The following SFI1 variants were observed in gnomAD, a reference collection of about 807,000 sequenced individuals.
The protein encoded by SFI1 is SFI1 centrin binding protein, also known as protein SFI1 homolog.
A neutral mutation model predicts 207.5 loss-of-function variants in SFI1; 195 were observed. The observed-to-expected ratio is 0.94, with a 90% CI of 0.84 to 1.06. The LOEUF is 1.06. Ranked by LOEUF, SFI1 falls within the 50% of genes least tolerant of loss-of-function variation. SFI1 has a pLI of 0.00. For missense variants in SFI1, 1,634 were observed against 1,588.0 expected (o/e 1.03, Z -0.49); for synonymous variants, 630 against 598.9 (o/e 1.05, Z -0.76).
At chr22:31,526,407 G>C (rs143474994) in intron 2 of SFI1, among the ~76,000 whole-genome samples, 1 of 152,138 alleles carries the variant, frequency 6.6e-6, no homozygotes, top group African/African-American at 2.4e-5. Flanking sequence ...ATCAGATCTC[G>C]TGGAAACTTA....
intron 2 of SFI1, among the ~76,000 whole-genome samples, chr22:31,517,144 G>GA (rs1038764067): frequency 1.3e-5 from 2 of 150,656 alleles, no homozygotes; most frequent in East Asian, 1.9e-4. Flanking sequence ...AAAAAAAAAA[G>GA]AAAAAAAAAT....
At chr22:31,555,526 C>T (rs1219230913) in intron 6 of SFI1, among the ~76,000 whole-genome samples, 2 of 152,176 alleles carry the variant, frequency 1.3e-5, no homozygotes, top group African/African-American at 4.8e-5. Flanking sequence ...TCTCAGTTGT[C>T]ACGTGCATCA....
intron 2 of SFI1, among the ~76,000 whole-genome samples, chr22:31,526,552 A>G (rs1448977171): frequency 2.0e-5 from 3 of 152,090 alleles, no homozygotes; most frequent in Admixed American, 6.6e-5. Flanking sequence ...CAGCTAAACC[A>G]TATCAATACC....
At position 31,584,998 on chromosome 22, in the gene SFI1, C is replaced by T. The variant is rs190150438; in HGVS notation, c.1347-70C>T. Reference sequence around the variant, plus strand: ...TTTAACTCACAGGAAGTAACTGTACCGCAATTTACCTGCCTTAAAACAAAG... The same window carrying T: ...TTTAACTCACAGGAAGTAACTGTACTGCAATTTACCTGCCTTAAAACAAAG... On this transcript the variant is annotated intron_variant, in intron 13 of 32. Coordinates refer to ENST00000400288, the MANE Select transcript of SFI1 (RefSeq NM_001007467.3). 827 of 1,405,738 alleles carry T rather than the reference C, an allele frequency of 5.9e-4. No homozygotes were observed. In the African/African-American group the frequency reaches 0.011, roughly 18 times the overall value. The allele number at this position is 1,405,738 out of a possible 1,614,324, so 87.1% of individuals were successfully genotyped here.
intron 4 of SFI1, among the ~76,000 whole-genome samples, chr22:31,534,427 TTTTC>T (rs1569239004): frequency 2.0e-5 from 3 of 152,226 alleles, no homozygotes; most frequent in African/African-American, 4.8e-5. Context: ...CTGTTGCCTT[TTTTC>T]TTTCTTCTCA....
In SFI1 at chr22:31,556,931, G is replaced by C. The variant is rs751758927; in HGVS notation, c.545-11G>C. 1 of 1,577,232 alleles carries C rather than the reference G, an allele frequency of 6.3e-7. No homozygotes were observed. Among genetic ancestry groups the C allele is most frequent in the African/African-American group, 1.4e-5 (1 of 73,846 alleles). On this transcript the variant is annotated splice_polypyrimidine_tract_variant and intron_variant, in intron 6 of 32. Transcript: ENST00000400288. ...CCCATGCCTTTTGAAAAATCTCTTT[G>C]GTGAATCTAGATGCAAAGCAAAAGA...
rs570602671 is a variant in SFI1, at chr22:31,588,825, CAA to C, written c.1414-617_1414-616del. 4.2e-3 allele frequency among the ~76,000 whole-genome samples: 627 copies of C among 148,508 alleles called. 2 individuals carry two copies. The highest frequency in any genetic ancestry group is 7.7e-3 in the Non-Finnish European group (515 of 67,076). ...AGACTCTGTCTCAAAAAAAAAAAAA[CAA>C]AAAACAACAAAAAAAACAAAAACAT... On this transcript the variant is annotated intron_variant, in intron 14 of 32. Coordinates refer to ENST00000400288, the MANE Select transcript of SFI1 (RefSeq NM_001007467.3).
At chr22:31,604,517 C>T in intron 19 of SFI1, 113 bp downstream of exon 19, 2 of 930,604 alleles carry the variant, frequency 2.1e-6, no homozygotes, top group Non-Finnish European at 3.1e-6. Flanking sequence ...TCACGTGACA[C>T]ACCTCAAACC....
chr22:31,541,918 T>G (rs9621277), intron 4 of SFI1, among the ~76,000 whole-genome samples: 6 of 151,236 alleles, frequency 4.0e-5, no homozygotes, highest in African/African-American at 1.5e-4. Flanking sequence ...CTGGCTAACA[T>G]GGTGAAACCC....
chr22:31,605,959 C>T (rs765950360), intron 20 of SFI1: 2 of 232,314 alleles, frequency 8.6e-6, no homozygotes, highest in Non-Finnish European at 1.7e-5. Flanking sequence ...TGAGCTAACT[C>T]AGCAGCAAGC....
intron 2 of SFI1, among the ~76,000 whole-genome samples, chr22:31,520,638 T>C (rs554673962): frequency 1.1e-4 from 17 of 152,102 alleles, no homozygotes; most frequent in South Asian, 4.1e-4. Flanking sequence ...TTTGTTGATA[T>C]AACTTCTGCA....
At position 31,550,284 on chromosome 22, in the gene SFI1, G is replaced by A. The variant is rs1320204329; in HGVS notation, c.480G>A (p.Thr160=). The A allele has an allele frequency of 1.5e-5, 25 of 1,613,984 alleles. No individual in the cohort carries two copies. Among genetic ancestry groups the A allele is most frequent in the Non-Finnish European group, 1.9e-5 (23 of 1,180,010 alleles). Residue 160 remains threonine (T), a synonymous_variant, in exon 6 of 33, where the codon ACG becomes ACA. Transcript: ENST00000400288. ...ACCTGTACAACCTGATGTTCCAGAC[G>A]TGGAAGACCTATGTGCGTCAGCAGC... is the stretch of plus-strand genomic sequence containing the variant. ...RYYLYNLMFQ[T]WKTYVRQQQE...
intron 21 of SFI1, chr22:31,607,657 C>T (rs2069284289): frequency 6.1e-6 from 1 of 164,726 alleles, no homozygotes; most frequent in South Asian, 1.9e-4. Context: ...GAATTAAGAC[C>T]CATGTATATA....
At chr22:31,574,312 A>G (rs963036038) in intron 9 of SFI1, among the ~76,000 whole-genome samples, 7 of 152,222 alleles carry the variant, frequency 4.6e-5, no homozygotes, top group Admixed American at 2.6e-4. Flanking sequence ...TGGAATGTGA[A>G]GGCATTAAGC....
At chr22:31,531,485 C>T (rs1000200600) in intron 4 of SFI1, among the ~76,000 whole-genome samples, 1 of 152,146 alleles carries the variant, frequency 6.6e-6, no homozygotes, top group African/African-American at 2.4e-5. Flanking sequence ...TCAGGCAGGG[C>T]GCCGTGGCTC....
At chr22:31,562,437 CAAAA>C (rs528463423) in intron 8 of SFI1, among the ~76,000 whole-genome samples, 7 of 99,958 alleles carry the variant, frequency 7.0e-5, no homozygotes, top group Admixed American at 1.1e-4. Context: ...GGCCCTGTCT[CAAAA>C]AAAAAAAAAA....
intron 17 of SFI1, 73 bp from the exon 18 acceptor site, chr22:31,603,671 A>T: frequency 1.5e-6 from 2 of 1,292,800 alleles, no homozygotes; most frequent in African/African-American, 1.6e-5. Context: ...GCTATGGACT[A>T]TGAGGAGGAA....
Position 31,613,611 on chromosome 22 carries a change from A to G in SFI1, c.2752A>G (p.Ser918Gly). The change falls in exon 27 of 33, where the codon AGT (serine) becomes GGT (glycine). Residue 918 changes from serine (S) to glycine (G), a missense_variant. Coordinates refer to ENST00000400288, the MANE Select transcript of SFI1 (RefSeq NM_001007467.3). ...AGAGGCTGTGTTGTAGGCGGCTCAC[A>G]GTCTCCATCGTGCCGTCCGCCGCTG... The part of the protein sequence containing the change: ...QAQQQVQAAH[S>G]LHRAVRRCAT... 1 of 1,582,430 alleles carries G rather than the reference A, an allele frequency of 6.3e-7. No individual in the cohort carries two copies. Among genetic ancestry groups the G allele is most frequent in the Non-Finnish European group, 8.6e-7 (1 of 1,161,140 alleles).
In SFI1 at chr22:31,616,998, A is replaced by G; in HGVS notation, c.3434-2A>G. 1.9e-6 allele frequency: 3 copies of G among 1,614,036 alleles called. No individual in the cohort carries two copies. Among genetic ancestry groups the G allele is most frequent in the Non-Finnish European group, 2.5e-6 (3 of 1,179,996 alleles). On this transcript the variant is annotated splice_acceptor_variant, in intron 30 of 32. Coordinates refer to ENST00000400288, the MANE Select transcript of SFI1 (RefSeq NM_001007467.3). LOFTEE classifies it high-confidence loss of function. ...GAAACAAGCTTACTTCTGTCGCCAT[A>G]GGCAGCCTGGACCTTGAGGCTGAAC...
Sources: gnomAD v4.1 joint callset for allele counts (sites outside exome capture counted in the v4.1 genomes callset) on GRCh38, gnomAD v4.1.1 for gene constraint, MANE v1.5 for transcripts, NCBI Gene and HGNC (gene_info 2026-07-23, HGNC 2026-07-21) for gene names.